SLC8A1: variants seen among roughly 807,000 people sequenced by gnomAD.
SLC8A1 encodes sodium/calcium exchanger 1.
A neutral mutation model predicts 68.3 loss-of-function variants in SLC8A1; 18 were observed. The ratio of observed to expected loss-of-function variants is 0.26; its 90% CI spans 0.18 to 0.39. SLC8A1 has a LOEUF of 0.39. Ranked by LOEUF, SLC8A1 falls within the 10% of genes least tolerant of loss-of-function variation. SLC8A1 has a pLI of 1.00. For missense variants in SLC8A1, 985 were observed against 1,156.7 expected (o/e 0.85, Z 2.15); for synonymous variants, 475 against 415.5 (o/e 1.14, Z -1.74).
At chr2:40,183,655 G>C (rs972023515) in intron 2 of SLC8A1, among the ~76,000 whole-genome samples, 3 of 152,194 alleles carry the variant, frequency 2.0e-5, no homozygotes, top group Non-Finnish European at 4.4e-5. Context: ...GTATGCTGAA[G>C]TCTGAGAGGC....
chr2:40,102,905 G>T (rs1237305493), exon 8 of SLC8A1: 2 of 152,160 alleles, frequency 1.3e-5, no homozygotes, highest in Non-Finnish European at 2.9e-5. Context: ...TATAATGAGA[G>T]AAGGAAAAGT....
chr2:40,288,846 T>C (rs1474354656), intron 2 of SLC8A1, among the ~76,000 whole-genome samples: 1 of 140,598 alleles, frequency 7.1e-6, no homozygotes, highest in African/African-American at 2.8e-5. Context: ...TATATATATA[T>C]ATATATGTAT....
chr2:40,510,205 T>C (rs1056459626), intron 1 of SLC8A1, among the ~76,000 whole-genome samples: 15 of 152,202 alleles, frequency 9.9e-5, no homozygotes, highest in African/African-American at 3.6e-4. Flanking sequence ...TATGATTTCT[T>C]TAAGATTTTC....
intron 1 of SLC8A1, among the ~76,000 whole-genome samples, chr2:40,435,721 A>C (rs1405954391): frequency 6.6e-6 from 1 of 152,092 alleles, no homozygotes; most frequent in Non-Finnish European, 1.5e-5. Flanking sequence ...AAAACTCATG[A>C]GATGCACTGT....
At chr2:40,175,933 C>G in intron 3 of SLC8A1, 1 of 414,230 alleles carries the variant, frequency 2.4e-6, no homozygotes, top group Middle Eastern at 3.4e-4. Flanking sequence ...GAATTAACAC[C>G]TACTTGTGTC....
intron 7 of SLC8A1, among the ~76,000 whole-genome samples, chr2:40,121,103 G>T (rs1043131345): frequency 6.6e-6 from 1 of 152,190 alleles, no homozygotes; most frequent in African/African-American, 2.4e-5. Flanking sequence ...GAGGGATGTC[G>T]AAGGGGCTTT....
At chr2:40,283,103 T>C (rs1032643860) in intron 2 of SLC8A1, among the ~76,000 whole-genome samples, 1 of 152,234 alleles carries the variant, frequency 6.6e-6, no homozygotes, top group Non-Finnish European at 1.5e-5. Context: ...TTAGAAGCTA[T>C]TGAGGTTGTA....
At position 40,187,634 on chromosome 2, in the gene SLC8A1, T is replaced by C. The variant is rs546269902; in HGVS notation, c.1809-9779A>G. On this transcript the variant is annotated intron_variant, in intron 2 of 7. Coordinates refer to ENST00000406785, the Ensembl canonical transcript of SLC8A1. ...CAAAATAAGAATAAATTTAGTTCTT[T>C]AGTCTATGATTTTAGCAATCAATTG... is the stretch of plus-strand genomic sequence containing the variant. Among the ~76,000 whole-genome samples, 12 of 151,522 alleles carry C rather than the reference T, an allele frequency of 7.9e-5. No homozygotes were observed. In the East Asian group the frequency reaches 2.3e-3, roughly 29 times the overall value.
At chr2:40,252,250 C>T (rs1459993991) in intron 2 of SLC8A1, among the ~76,000 whole-genome samples, 1 of 151,844 alleles carries the variant, frequency 6.6e-6, no homozygotes, top group Non-Finnish European at 1.5e-5. Context: ...TGAGATAAGC[C>T]AGTGAAGTCT....
At chr2:40,274,704 A>G (rs1169951344) in intron 2 of SLC8A1, among the ~76,000 whole-genome samples, 1 of 152,224 alleles carries the variant, frequency 6.6e-6, no homozygotes, top group African/African-American at 2.4e-5. Context: ...AAAATTCTAC[A>G]TTGCCACTTC....
At chr2:40,367,239 G>A (rs1168729853) in intron 2 of SLC8A1, among the ~76,000 whole-genome samples, 1 of 151,938 alleles carries the variant, frequency 6.6e-6, no homozygotes, top group Non-Finnish European at 1.5e-5. Flanking sequence ...CCTAGTCTCT[G>A]CTTCCATTTG....
chr2:40,378,297 C>G (rs1346450760), intron 2 of SLC8A1, among the ~76,000 whole-genome samples: 1 of 152,042 alleles, frequency 6.6e-6, no homozygotes, highest in Non-Finnish European at 1.5e-5. Context: ...TGAGTAACAG[C>G]CTGAAGACAA....
rs892481033 is a variant in SLC8A1 at position 40,392,978 on chromosome 2, G to A, written c.1808+35495C>T. The stretch of plus-strand genomic sequence containing the variant: ...GTAAATCTACTTTATTTTGCTGGCA[G>A]GAGTCAGCAGACAAAAGAGGAGCAG... On this transcript the variant is annotated intron_variant, in intron 2 of 7. Transcript: ENST00000406785. 2.6e-5 allele frequency among the ~76,000 whole-genome samples: 4 copies of A among 152,056 alleles called. No individual in the cohort carries two copies. The East Asian group carries it at 7.7e-4, about 29-fold the overall frequency.
At chr2:40,391,175 G>A (rs888570060) in intron 2 of SLC8A1, among the ~76,000 whole-genome samples, 10 of 39,002 alleles carry the variant, frequency 2.6e-4, no homozygotes, top group African/African-American at 6.4e-4. Context: ...ATGTAGATGC[G>A]TGTGTGTATA....
At chr2:40,394,188 G>T (rs1309974328) in intron 2 of SLC8A1, among the ~76,000 whole-genome samples, 1 of 152,092 alleles carries the variant, frequency 6.6e-6, no homozygotes, top group African/African-American at 2.4e-5. Flanking sequence ...GTGAGCTTAA[G>T]TTGAGAAACC....
intron 2 of SLC8A1, among the ~76,000 whole-genome samples, chr2:40,310,711 CT>C (rs1559188541): frequency 2.0e-5 from 3 of 152,186 alleles, no homozygotes; most frequent in Admixed American, 1.3e-4. Flanking sequence ...GCTCACCAAC[CT>C]TAGTGATCAC....
intron 1 of SLC8A1, among the ~76,000 whole-genome samples, chr2:40,431,764 A>C (rs1698360438): frequency 6.6e-6 from 1 of 152,038 alleles, no homozygotes; most frequent in South Asian, 2.1e-4. Flanking sequence ...GCTGGCTGAG[A>C]GCCACCCCAC....
chr2:40,352,511 T>C (rs1344834510), intron 2 of SLC8A1, among the ~76,000 whole-genome samples: 2 of 152,194 alleles, frequency 1.3e-5, no homozygotes, highest in Non-Finnish European at 2.9e-5. Context: ...TCATCAAAAC[T>C]CATTTCCAAA....
At chr2:40,169,935 TC>T (rs1284807142) in intron 4 of SLC8A1, among the ~76,000 whole-genome samples, 2 of 151,980 alleles carry the variant, frequency 1.3e-5, no homozygotes, top group African/African-American at 4.8e-5. Flanking sequence ...ACAGAGAGAA[TC>T]CCCATCTCAA....
Sources: allele counts gnomAD v4.1 joint callset (sites outside exome capture counted in the v4.1 genomes callset), GRCh38; gene constraint gnomAD v4.1.1; transcripts MANE v1.5; gene names NCBI Gene and HGNC (gene_info 2026-07-23, HGNC 2026-07-21).